The following RHBDD1 variants were observed in gnomAD, a reference collection of about 807,000 sequenced individuals.
RHBDD1 encodes the protein rhomboid-related protein 4.
In RHBDD1, 38 loss-of-function variants were observed where a neutral mutation model predicts 36.3. The ratio of observed to expected loss-of-function variants is 1.05; its 90% confidence interval spans 0.81 to 1.37. RHBDD1 has a LOEUF of 1.37. Among genes scored for constraint, RHBDD1 ranks in the 40% most tolerant of loss-of-function variants. RHBDD1 has a pLI of 0.00. For missense variants in RHBDD1, 393 were observed against 377.6 expected (o/e 1.04, Z -0.34); for synonymous variants, 151 against 136.5 (o/e 1.11, Z -0.74).
chr2:226,956,512 A>C (rs1385891854), intron 8 of RHBDD1, among the ~76,000 whole-genome samples: 3 of 152,028 alleles, frequency 2.0e-5, no homozygotes, highest in Non-Finnish European at 4.4e-5. Flanking sequence ...TAGGTCACAC[A>C]TTCTGCTGGG....
intron 5 of RHBDD1, among the ~76,000 whole-genome samples, chr2:226,869,513 A>G (rs1944613971): frequency 6.6e-6 from 1 of 152,252 alleles, no homozygotes; most frequent in Non-Finnish European, 1.5e-5. Context: ...TCTTTAGAAC[A>G]AAGCTTGCTT....
intron 5 of RHBDD1, among the ~76,000 whole-genome samples, chr2:226,899,163 T>C (rs1039213445): frequency 1.3e-5 from 2 of 152,200 alleles, no homozygotes; most frequent in Non-Finnish European, 2.9e-5. Flanking sequence ...ACCACTTAAC[T>C]CAGCGTTACA....
chr2:226,990,925 C>T (rs1007035129), intron 8 of RHBDD1, among the ~76,000 whole-genome samples: 27 of 152,150 alleles, frequency 1.8e-4, no homozygotes, highest in African/African-American at 6.5e-4. Context: ...TCACCCAGGC[C>T]TGTAAATGTC....
At chr2:226,935,895 G>A (rs897225256) in intron 8 of RHBDD1, among the ~76,000 whole-genome samples, 1 of 152,112 alleles carries the variant, frequency 6.6e-6, no homozygotes, top group African/African-American at 2.4e-5. Flanking sequence ...GATTATACAA[G>A]CCTTTATTGG....
intron 8 of RHBDD1, among the ~76,000 whole-genome samples, chr2:226,916,576 A>G (rs1037136202): frequency 6.6e-6 from 1 of 152,206 alleles, no homozygotes; most frequent in African/African-American, 2.4e-5. Context: ...CAAAGAACAC[A>G]GCATGATAGG....
intron 5 of RHBDD1, among the ~76,000 whole-genome samples, chr2:226,868,707 G>A (rs886067334): frequency 3.3e-5 from 5 of 152,146 alleles, no homozygotes; most frequent in African/African-American, 7.2e-5. Flanking sequence ...GTGTCAGCCC[G>A]GTAACTCCAG....
chr2:226,926,146 G>A (rs574227242), intron 8 of RHBDD1, among the ~76,000 whole-genome samples: 2 of 151,884 alleles, frequency 1.3e-5, no homozygotes, highest in African/African-American at 4.8e-5. Flanking sequence ...TTGGGAGGCC[G>A]AGGCGGGTGG....
chr2:226,870,102 C>G (rs958713161), intron 5 of RHBDD1, among the ~76,000 whole-genome samples: 1 of 152,210 alleles, frequency 6.6e-6, no homozygotes, highest in Non-Finnish European at 1.5e-5. Flanking sequence ...CACTCAGCGA[C>G]TATACTAGAG....
chr2:226,947,960 C>T (rs1415800157), intron 8 of RHBDD1, among the ~76,000 whole-genome samples: 16 of 152,196 alleles, frequency 1.1e-4, no homozygotes, highest in Non-Finnish European at 1.9e-4. Context: ...CACTTTTACA[C>T]TGTTGGTGGG....
intron 8 of RHBDD1, among the ~76,000 whole-genome samples, chr2:226,992,729 T>A (rs1303143114): frequency 6.6e-6 from 1 of 152,198 alleles, no homozygotes; most frequent in African/African-American, 2.4e-5. Flanking sequence ...AAAGGGACAC[T>A]GGGTTTGGGC....
chr2:226,938,982 A>C (rs1950512202), intron 8 of RHBDD1, among the ~76,000 whole-genome samples: 1 of 152,176 alleles, frequency 6.6e-6, no homozygotes, highest in African/African-American at 2.4e-5. Flanking sequence ...ACATTTGCAA[A>C]TCAATAAACA....
chr2:226,903,748 G>A (rs1304157128), intron 5 of RHBDD1, among the ~76,000 whole-genome samples: 1 of 152,134 alleles, frequency 6.6e-6, no homozygotes, highest in Admixed American at 6.5e-5. Context: ...AGGCATTCCT[G>A]TTTTTGCATC....
At chr2:226,825,272 G>GT in the RHBDD1 span, among the ~76,000 whole-genome samples, 2 of 151,740 alleles carry the variant, frequency 1.3e-5, no homozygotes, top group African/African-American at 4.8e-5. Flanking sequence ...ATTTTAGTTG[G>GT]TTAAAAAAAA....
In RHBDD1 at chr2:226,998,629, CAGCTT is replaced by C. The variant is rs1194003875; in HGVS notation, c.*3110_*3114del. The stretch of plus-strand genomic sequence containing the variant: ...ATTTTATTTTAGAATCACAGACTCT[CAGCTT>C]AGAGAGTCACAGTATCTCAATTATT... On this transcript the variant is annotated 3_prime_UTR_variant, in exon 9 of 9. Coordinates refer to ENST00000392062, the MANE Select transcript of RHBDD1 (RefSeq NM_001167608.3). 1 of 152,028 alleles carries C rather than the reference CAGCTT, an allele frequency of 6.6e-6. No individual in the cohort carries two copies. The highest frequency in any genetic ancestry group is 1.5e-5 in the Non-Finnish European group (1 of 68,018). The allele number at this position is 152,028 out of a possible 1,614,324, so 9.4% of individuals were successfully genotyped here.
chr2:226,887,389 A>G (rs1946316615), intron 5 of RHBDD1, among the ~76,000 whole-genome samples: 1 of 152,178 alleles, frequency 6.6e-6, no homozygotes, highest in South Asian at 2.1e-4. Flanking sequence ...CAGTTTGTTG[A>G]GGGCTTATGA....
chr2:226,958,995 C>T (rs1396358797), intron 8 of RHBDD1, among the ~76,000 whole-genome samples: 1 of 152,014 alleles, frequency 6.6e-6, no homozygotes, highest in East Asian at 1.9e-4. Context: ...TGTATATGCC[C>T]GGAGCTGCCT....
chr2:226,989,711 G>A (rs973678386), intron 8 of RHBDD1, among the ~76,000 whole-genome samples: 4 of 152,096 alleles, frequency 2.6e-5, no homozygotes, highest in Admixed American at 6.5e-5. Context: ...TAGCTTACTC[G>A]ATTGTTAACT....
At position 226,953,295 on chromosome 2, in the gene RHBDD1, C is replaced by T. The variant is rs1470425714; in HGVS notation, c.856+38944C>T. On this transcript the variant is annotated intron_variant, in intron 8 of 8. Coordinates refer to ENST00000392062, the MANE Select transcript of RHBDD1 (RefSeq NM_001167608.3). ...CCAGTTAGAGACGATTATAACCCAA[C>T]GGTGTGGTTGTGCCATTTAAGGAGA... 3.9e-5 allele frequency among the ~76,000 whole-genome samples: 6 copies of T among 152,102 alleles called. No individual in the cohort carries two copies. In the East Asian group the frequency reaches 9.6e-4, roughly 24 times the overall value.
intron 1 of RHBDD1, among the ~76,000 whole-genome samples, chr2:226,836,726 T>G (rs898545657): frequency 6.6e-6 from 1 of 152,174 alleles, no homozygotes; most frequent in African/African-American, 2.4e-5. Flanking sequence ...ATTATCGAGG[T>G]GTTTGGGTCT....
Sources: allele counts gnomAD v4.1 joint callset (sites outside exome capture counted in the v4.1 genomes callset), GRCh38; gene constraint gnomAD v4.1.1; transcripts MANE v1.5; gene names NCBI Gene and HGNC (gene_info 2026-07-23, HGNC 2026-07-21).